The following DEPDC5 variants were observed in gnomAD, a reference collection of about 807,000 sequenced individuals.
DEPDC5 encodes the protein DEP domain containing 5, GATOR1 subcomplex subunit.
DEPDC5 carries 73 observed loss-of-function variants against 217.3 expected under a neutral mutation model. That is an observed-to-expected ratio of 0.34 (90% CI 0.28 to 0.41). The LOEUF is 0.41. Ranked by LOEUF, DEPDC5 falls within the 10% of genes least tolerant of loss-of-function variation. DEPDC5 has a pLI of 1.00. For synonymous variants in DEPDC5, 733 were observed against 756.7 expected (o/e 0.97, Z 0.51); for missense variants, 1,675 against 2,070.1 (o/e 0.81, Z 3.70).
At chr22:31,815,556 AT>A (rs1187139479) in intron 21 of DEPDC5, 122 of 570,780 alleles carry the variant, frequency 2.1e-4, no homozygotes, top group South Asian at 5.2e-4. Flanking sequence ...TGATTATCAT[AT>A]TTTTTTTTGT....
At chr22:31,904,543 G>A (rs1409078492) in intron 41 of DEPDC5, among the ~76,000 whole-genome samples, 2 of 152,196 alleles carry the variant, frequency 1.3e-5, no homozygotes, top group Non-Finnish European at 2.9e-5. Flanking sequence ...AGCAGTTCAA[G>A]ACCAGCCTGG....
At chr22:31,861,546 G>A in intron 33 of DEPDC5, 113 bp downstream of exon 33, 3 of 1,119,682 alleles carry the variant, frequency 2.7e-6, no homozygotes, top group Non-Finnish European at 2.6e-6. Flanking sequence ...TTGGGGGGCA[G>A]TTGAACTTGA....
At chr22:31,894,504 A>T (rs1875805661) in intron 39 of DEPDC5, 1 of 152,050 alleles carries the variant, frequency 6.6e-6, no homozygotes, top group South Asian at 2.1e-4. Flanking sequence ...CACTGCTTTG[A>T]ACTCAGTGGT....
chr22:31,881,443 G>A (rs965768553), intron 38 of DEPDC5, among the ~76,000 whole-genome samples: 4 of 152,124 alleles, frequency 2.6e-5, no homozygotes, highest in African/African-American at 9.7e-5. Flanking sequence ...CCCTTAGGCA[G>A]TCATGACTTG....
chr22:31,879,096 A>C (rs1461906068), intron 37 of DEPDC5, among the ~76,000 whole-genome samples: 1 of 133,182 alleles, frequency 7.5e-6, no homozygotes, highest in Non-Finnish European at 1.5e-5. Flanking sequence ...ATATATATAC[A>C]CATATATATA....
Position 31,815,148 on chromosome 22 carries a change from G to C in DEPDC5, c.1602G>C (p.Met534Ile). The change falls in exon 21 of 43, where the codon ATG becomes ATC. Residue 534 changes from methionine (M) to isoleucine (I), a missense_variant. Physicochemically the swap from Met to Ile is conservative, Grantham distance 10 (BLOSUM62 1). This residue lies in a region of DEPDC5 where 628 missense variants were observed against 762.1 expected (regional missense o/e 0.82). Coordinates refer to ENST00000651528, the MANE Select transcript of DEPDC5 (RefSeq NM_001242896.3). ...TAGGCAAGAGTGCCAACATCCTGAT[G>C]ATCCCACACCCCCACCTGCACCAGT... is the stretch of plus-strand genomic sequence containing the variant. ...SSLGKSANILMIPHPHLHQYE... is the reference protein window; with the variant it reads ...SSLGKSANILIIPHPHLHQYE... The C allele has an allele frequency of 6.2e-7, 1 of 1,614,154 alleles. No individual in the cohort carries two copies. Among genetic ancestry groups the C allele is most frequent in the South Asian group, 1.1e-5 (1 of 91,086 alleles).
Position 31,804,549 on chromosome 22 carries a change from C to T in DEPDC5, c.1144-293C>T, listed in dbSNP as rs920544886. 5.3e-5 allele frequency among the ~76,000 whole-genome samples: 8 copies of T among 152,316 alleles called. No individual in the cohort carries two copies. In the South Asian group the frequency reaches 1.7e-3, roughly 32 times the overall value. Reference sequence around the variant, plus strand: ...CTGCCTCCCGGGTTCAATCAGTTCTCCTGCCTCAGCCTCCCGAGTAGCTAT... The same window carrying T: ...CTGCCTCCCGGGTTCAATCAGTTCTTCTGCCTCAGCCTCCCGAGTAGCTAT... On this transcript the variant is annotated intron_variant, in intron 16 of 42. Transcript: ENST00000651528.
intron 40 of DEPDC5, among the ~76,000 whole-genome samples, chr22:31,899,789 T>C (rs773110653): frequency 6.6e-6 from 1 of 152,180 alleles, no homozygotes; most frequent in African/African-American, 2.4e-5. Context: ...CTCTTGTCTT[T>C]GGGATGGCTG....
At chr22:31,889,199 A>G (rs1407800735) in intron 38 of DEPDC5, among the ~76,000 whole-genome samples, 2 of 152,248 alleles carry the variant, frequency 1.3e-5, no homozygotes, top group Non-Finnish European at 2.9e-5. Context: ...TCTTGTGTGA[A>G]TAAGTTGGTT....
chr22:31,868,305 T>C (rs1427954915), intron 33 of DEPDC5, among the ~76,000 whole-genome samples: 1 of 152,102 alleles, frequency 6.6e-6, no homozygotes, highest in African/African-American at 2.4e-5. Flanking sequence ...ATCAAGTGGG[T>C]AGAAGCCAGG....
intron 17 of DEPDC5, 21 bp downstream of exon 17, chr22:31,804,936 T>C (rs777974449): frequency 6.9e-6 from 11 of 1,603,694 alleles, no homozygotes; most frequent in Non-Finnish European, 8.5e-6. Context: ...TCTCGATCAA[T>C]AGTAGGTGAT....
chr22:31,834,762 C>G (rs538042470), intron 25 of DEPDC5, among the ~76,000 whole-genome samples: 3 of 151,378 alleles, frequency 2.0e-5, no homozygotes. Flanking sequence ...TGATCCTGAC[C>G]TCGTGATCCG....
chr22:31,822,102 A>G (rs1032331607), intron 23 of DEPDC5, among the ~76,000 whole-genome samples: 4 of 152,264 alleles, frequency 2.6e-5, no homozygotes, highest in Admixed American at 1.3e-4. Context: ...GCTTATGTTT[A>G]TAGAAACAAC....
At chr22:31,771,533 A>G (rs745755420) in intron 7 of DEPDC5, among the ~76,000 whole-genome samples, 1 of 151,838 alleles carries the variant, frequency 6.6e-6, no homozygotes, top group African/African-American at 2.4e-5. Flanking sequence ...CATCCTGGGT[A>G]ACATGGTGAA....
At chr22:31,855,004 GC>G (rs1336251666) in intron 31 of DEPDC5, among the ~76,000 whole-genome samples, 1 of 146,270 alleles carries the variant, frequency 6.8e-6, no homozygotes, top group Non-Finnish European at 1.5e-5. Context: ...TTGTTGTGTC[GC>G]CCAGGCTGCA....
At chr22:31,783,239 C>G (rs904061367) in intron 8 of DEPDC5, among the ~76,000 whole-genome samples, 1 of 152,186 alleles carries the variant, frequency 6.6e-6, no homozygotes, top group African/African-American at 2.4e-5. Flanking sequence ...AGCGGCAGCC[C>G]AGGTCCCCTT....
chr22:31,832,485 CTT>C lies in DEPDC5; in HGVS notation c.2105-1417_2105-1416del, dbSNP rs112632218. On this transcript the variant is annotated intron_variant, in intron 24 of 42. Coordinates refer to ENST00000651528, the MANE Select transcript of DEPDC5 (RefSeq NM_001242896.3). ...AAGCATGTAGTGGTATCTTACTGCA[CTT>C]TTTTTTTTTTTTCTTTTGAGACGGG... is the stretch of plus-strand genomic sequence containing the variant. Among the ~76,000 whole-genome samples, 650 of 144,952 alleles carry C rather than the reference CTT, an allele frequency of 4.5e-3. 4 individuals carry two copies. Among genetic ancestry groups the C allele is most frequent in the African/African-American group, 0.016 (617 of 39,726 alleles).
At chr22:31,788,904 A>G (rs2085325161) in intron 10 of DEPDC5, among the ~76,000 whole-genome samples, 1 of 151,434 alleles carries the variant, frequency 6.6e-6, no homozygotes, top group African/African-American at 2.4e-5. Flanking sequence ...TTATTTATGT[A>G]TTTTTAGAGA....
intron 6 of DEPDC5, 41 bp from the exon 7 acceptor site, chr22:31,768,773 C>A (rs2083049931): frequency 2.6e-5 from 37 of 1,435,840 alleles, no homozygotes; most frequent in Non-Finnish European, 3.6e-5. Context: ...ACCCTCTCTC[C>A]CTCCCTCCCT....
Sources: allele counts gnomAD v4.1 joint callset (sites outside exome capture counted in the v4.1 genomes callset), GRCh38; gene constraint gnomAD v4.1.1; regional missense constraint gnomAD v4.1.1; transcripts MANE v1.5; gene names NCBI Gene and HGNC (gene_info 2026-07-23, HGNC 2026-07-21).